ARHGEF10L: variants seen among roughly 807,000 people sequenced by gnomAD.
ARHGEF10L encodes the protein Rho guanine nucleotide exchange factor 10 like, also known as rho guanine nucleotide exchange factor 10-like protein.
ARHGEF10L carries 69 observed loss-of-function variants against 141.2 expected under a neutral mutation model. The ratio of observed to expected loss-of-function variants is 0.49; its 90% CI spans 0.40 to 0.60. The LOEUF (loss-of-function observed/expected upper bound fraction) is 0.60. Among genes scored for constraint, ARHGEF10L ranks in the 20% least tolerant of loss-of-function variants. The pLI is 0.00. For missense variants in ARHGEF10L, 1,482 were observed against 1,734.3 expected, an observed-to-expected ratio of 0.85 and a Z score of 2.58; for synonymous variants, 711 against 718.5, an observed-to-expected ratio of 0.99 and a Z score of 0.17.
chr1:17,667,515 C>G (rs553778214), intron 26 of ARHGEF10L, among the ~76,000 whole-genome samples: 172 of 152,356 alleles, frequency 1.1e-3, no homozygotes, highest in Non-Finnish European at 2.0e-3. Flanking sequence ...CCTCAGCCCC[C>G]TGTTGGTCAG....
rs376116175 is a variant in ARHGEF10L at position 17,641,061 on chromosome 1, G to T, written c.2272+759G>T. On this transcript the variant is annotated intron_variant, in intron 21 of 28. Coordinates refer to ENST00000361221, the MANE Select transcript of ARHGEF10L (RefSeq NM_018125.4). ...AGATCTGGGCCGCAGACCCTGTGTG[G>T]CCTGACTCCAAAGCCCAGTCTCGAT... Among the ~76,000 whole-genome samples, 6 of 152,278 alleles carry T rather than the reference G, an allele frequency of 3.9e-5. No homozygotes were observed. The East Asian group carries it at 1.2e-3, about 29-fold the overall frequency.
chr1:17,622,896 CACGGG>C, intron 11 of ARHGEF10L, 95 bp from the exon 12 acceptor site: 1 of 1,297,190 alleles, frequency 7.7e-7, no homozygotes, highest in Non-Finnish European at 1.1e-6. Flanking sequence ...CCCTCCGTGC[CACGGG>C]AAGGCCCATT....
chr1:17,539,044 T>G (rs1394502912), upstream of ARHGEF10L, among the ~76,000 whole-genome samples: 6 of 152,280 alleles, frequency 3.9e-5, no homozygotes, highest in African/African-American at 7.2e-5. The surrounding 1 kb of genome is among the most constrained non-coding windows in gnomAD (Gnocchi z 6.0). Context: ...AGCACTTTGC[T>G]GCTCAGTGAG....
intron 19 of ARHGEF10L, 58 bp from the exon 20 acceptor site, chr1:17,638,504 G>C: frequency 1.9e-6 from 3 of 1,608,848 alleles, no homozygotes; most frequent in Non-Finnish European, 2.5e-6. Context: ...AGGATCTGGT[G>C]TGGCTTTTGG....
At chr1:17,690,164 T>C (rs2102544418) in intron 27 of ARHGEF10L, among the ~76,000 whole-genome samples, 1 of 152,310 alleles carries the variant, frequency 6.6e-6, no homozygotes, top group Non-Finnish European at 1.5e-5. Flanking sequence ...CCTTGGGCGG[T>C]TGTGTCCCTG....
At chr1:17,606,430 A>T (rs751556318) in intron 6 of ARHGEF10L, among the ~76,000 whole-genome samples, 1 of 151,528 alleles carries the variant, frequency 6.6e-6, no homozygotes, top group Non-Finnish European at 1.5e-5. Context: ...AGTAGCTGGG[A>T]CTACAGGTGC....
Position 17,638,685 on chromosome 1 carries a change from G to T in ARHGEF10L, c.2167G>T (p.Asp723Tyr), listed in dbSNP as rs1174683491. ...CAGGCTCCTGCTTCCTGGGAAACCCGACAAGTGAGAGGAGGGGGTCTTGGA... is the reference window on the plus strand; with the variant it reads ...CAGGCTCCTGCTTCCTGGGAAACCCTACAAGTGAGAGGAGGGGGTCTTGGA... ...RLRLLLPGKPDKSGRPISFMV... is the reference protein window; with the variant it reads ...RLRLLLPGKPYKSGRPISFMV... The change falls in exon 20 of 29, where the codon GAC becomes TAC. Residue 723 changes from aspartate to tyrosine, a missense_variant. This residue lies in a region of ARHGEF10L where 858 missense variants were observed against 966.3 expected (regional missense o/e 0.89). Coordinates refer to ENST00000361221, the MANE Select transcript of ARHGEF10L (RefSeq NM_018125.4). 4 of 1,613,816 alleles carry T rather than the reference G, an allele frequency of 2.5e-6. No homozygotes were observed. The highest frequency in any genetic ancestry group is 2.7e-5 in the African/African-American group (2 of 74,934).
At chr1:17,557,720 A>G (rs1475866335) in intron 1 of ARHGEF10L, among the ~76,000 whole-genome samples, 1 of 152,230 alleles carries the variant, frequency 6.6e-6, no homozygotes, top group Admixed American at 6.5e-5. Context: ...AAGATGGCCT[A>G]GGTCCGGGGA....
At position 17,656,567 on chromosome 1, in the gene ARHGEF10L, A is replaced by G. The variant is rs757232991; in HGVS notation, c.2719A>G (p.Ser907Gly). ...CTCTCCCCGCAGCATCCTCCTCTAC[A>G]GCAGTGTGGACACTGGCACCCAGTG... ...GLQDGSILLY[S>G]SVDTGTQCLV... is the part of the protein sequence containing the mutation. The change falls in exon 25 of 29, where the codon AGC becomes GGC. Residue 907 changes from serine (S) to glycine (G), a missense_variant. Physicochemically the swap from Ser to Gly is moderately conservative, Grantham distance 56. Transcript: ENST00000361221. This position sits in a 1 kb window ranked among gnomAD's most constrained non-coding sequence, Gnocchi z 4.9. The G allele has an allele frequency of 1.9e-6, 3 of 1,612,712 alleles. No individual in the cohort carries two copies. Among genetic ancestry groups the G allele is most frequent in the African/African-American group, 2.7e-5 (2 of 74,912 alleles).
At position 17,656,153 on chromosome 1, in the gene ARHGEF10L, T is replaced by A; in HGVS notation, c.2705+51T>A. ...GAGCAGCCTCTGCAGGGCTGGGCAG[T>A]GGGTGGGGGCTGTCCCTGTAGCCTT... On this transcript the variant is annotated intron_variant, in intron 24 of 28. Transcript: ENST00000361221. The surrounding 1 kb of genome is among the most constrained non-coding windows in gnomAD (Gnocchi z 4.9). The A allele has an allele frequency of 1.3e-6, 2 of 1,529,514 alleles. No individual in the cohort carries two copies. Among genetic ancestry groups the A allele is most frequent in the Non-Finnish European group, 1.8e-6 (2 of 1,131,688 alleles). The allele number at this position is 1,529,514 out of a possible 1,614,324, so 94.7% of individuals were successfully genotyped here.
chr1:17,568,708 C>T (rs2077867193), intron 1 of ARHGEF10L, among the ~76,000 whole-genome samples: 1 of 152,168 alleles, frequency 6.6e-6, no homozygotes, highest in Non-Finnish European at 1.5e-5. Context: ...TGTCTGGTTC[C>T]TCGTAAGTCG....
intron 4 of ARHGEF10L, among the ~76,000 whole-genome samples, chr1:17,591,044 C>T (rs1225578535): frequency 6.6e-6 from 1 of 152,138 alleles, no homozygotes; most frequent in Non-Finnish European, 1.5e-5. Context: ...ACCCCTCTAC[C>T]CCCAAATGAA....
rs2059732444 is a variant in ARHGEF10L at position 17,615,032 on chromosome 1, G to A, written c.727-1062G>A. The A allele has an allele frequency of 6.6e-6, 1 of 152,354 alleles. No homozygotes were observed. Among genetic ancestry groups the A allele is most frequent in the Non-Finnish European group, 1.5e-5 (1 of 68,032 alleles). The allele number at this position is 152,354 out of a possible 1,614,324, so 9.4% of individuals were successfully genotyped here. A position where few individuals can be genotyped will look rare whatever the true frequency, so the allele number is the denominator to read the frequency against. Reference sequence around the variant, plus strand: ...GAGAAGGTTTTCTTAGGACTGCACTGTCCATTATGATAGCCACGTGGCTCT... The same window carrying A: ...GAGAAGGTTTTCTTAGGACTGCACTATCCATTATGATAGCCACGTGGCTCT... On this transcript the variant is annotated intron_variant, in intron 8 of 28. Coordinates refer to ENST00000361221, the MANE Select transcript of ARHGEF10L (RefSeq NM_018125.4). This position sits in a 1 kb window ranked among gnomAD's most constrained non-coding sequence, Gnocchi z 4.7.
In ARHGEF10L at chr1:17,580,625, T is replaced by G; in HGVS notation, c.30T>G (p.Pro10=). MASSNPPPQ[P]AIGDQLVPGV... ...CTTCCTCCAACCCTCCTCCACAGCC[T>G]GCCATAGGTACCGTACCCAGGGCTT... Residue 10 remains proline (P), a synonymous_variant, in exon 2 of 29, where the codon CCT becomes CCG. Coordinates refer to ENST00000361221, the MANE Select transcript of ARHGEF10L (RefSeq NM_018125.4). 1.2e-6 allele frequency: 2 copies of G among 1,614,220 alleles called. No individual in the cohort carries two copies. The highest frequency in any genetic ancestry group is 1.6e-4 in the Middle Eastern group (1 of 6,062).
chr1:17,616,581 GGAATCCTACTAAGCGCCACAGCCTGTGCT>G (rs1260639481), intron 9 of ARHGEF10L, among the ~76,000 whole-genome samples: 3 of 152,170 alleles, frequency 2.0e-5, no homozygotes, highest in Non-Finnish European at 1.5e-5. Context: ...TGACATTTAC[GGAATCCTACTAAGCGCCACAGCCTGTGCT>G]GCATGCAGGG....
rs557134200 is a variant in ARHGEF10L at position 17,648,687 on chromosome 1, G to A, written c.2394+12G>A. 2.7e-4 allele frequency: 434 copies of A among 1,611,268 alleles called. 3 individuals are homozygous for A. In the South Asian group the frequency reaches 3.9e-3, roughly 14 times the overall value. On this transcript the variant is annotated intron_variant, in intron 22 of 28. Coordinates refer to ENST00000361221, the MANE Select transcript of ARHGEF10L (RefSeq NM_018125.4). Reference sequence around the variant, plus strand: ...CACTCAGCCTGCAGGTGAGTGGAGCGGATCTTGCTGAGCCGACCTCGAAGG... The same window carrying A: ...CACTCAGCCTGCAGGTGAGTGGAGCAGATCTTGCTGAGCCGACCTCGAAGG...
chr1:17,556,052 C>T (rs1050292693), intron 1 of ARHGEF10L, among the ~76,000 whole-genome samples: 5 of 139,024 alleles, frequency 3.6e-5, no homozygotes, highest in Non-Finnish European at 6.2e-5. Context: ...CCTGGGAGCA[C>T]GGGGTTGAGC....
chr1:17,682,641 A>G (rs1319841886), intron 26 of ARHGEF10L, among the ~76,000 whole-genome samples: 1 of 152,136 alleles, frequency 6.6e-6, no homozygotes, highest in African/African-American at 2.4e-5. Flanking sequence ...TAAACCTAAC[A>G]GCACGGTTTC....
chr1:17,569,253 G>A (rs1207655150), intron 1 of ARHGEF10L, among the ~76,000 whole-genome samples: 1 of 152,224 alleles, frequency 6.6e-6, no homozygotes, highest in African/African-American at 2.4e-5. Context: ...ACTCCCGCCA[G>A]AGGTGCCCCA....
Sources: gnomAD v4.1 joint callset for allele counts (sites outside exome capture counted in the v4.1 genomes callset) on GRCh38, gnomAD v4.1.1 for gene constraint, gnomAD v4.1.1 regional missense constraint, Gnocchi (gnomAD v3.1) non-coding constraint, MANE v1.5 for transcripts, NCBI Gene and HGNC (gene_info 2026-07-23, HGNC 2026-07-21) for gene names.